The following CCDC15 variants were observed in gnomAD, a reference collection of about 807,000 sequenced individuals.
CCDC15 encodes the protein coiled-coil domain-containing protein 15.
In CCDC15, 105 loss-of-function variants were observed where a neutral mutation model predicts 114.5. The observed-to-expected ratio is 0.92, with a 90% CI of 0.78 to 1.08. The LOEUF is 1.08. Among genes scored for constraint, CCDC15 ranks in the 50% least tolerant of loss-of-function variants. The pLI, the probability that CCDC15 is intolerant of heterozygous loss-of-function variation, is 0.00. For synonymous variants in CCDC15, 334 were observed against 377.8 expected (o/e 0.88, Z 1.34); for missense variants, 1,105 against 1,093.6 (o/e 1.01, Z -0.15).
At chr11:125,016,733 C>A (rs1451301859) in intron 13 of CCDC15, among the ~76,000 whole-genome samples, 1 of 152,176 alleles carries the variant, frequency 6.6e-6, no homozygotes, top group Non-Finnish European at 1.5e-5. Context: ...AGGCAACATA[C>A]CCCTGCTGTG....
chr11:125,038,589 A>G lies in CCDC15; in HGVS notation c.2570A>G (p.Glu857Gly). ...IKGTREKQQR[E>G]KEYLRYVEAL... Reference sequence around the variant, plus strand: ...GGAACCAGAGAAAAACAACAGAGAGAAAAAGAATACCTGAGGTAATTTGAA... The same window carrying G: ...GGAACCAGAGAAAAACAACAGAGAGGAAAAGAATACCTGAGGTAATTTGAA... The change falls in exon 14 of 16, where the codon GAA becomes GGA. Residue 857 changes from glutamate (E) to glycine (G), a missense_variant. By Grantham distance (98) the Glu-to-Gly change is moderately conservative. Coordinates refer to ENST00000344762, the MANE Select transcript of CCDC15 (RefSeq NM_025004.3). 1 of 1,567,778 alleles carries G rather than the reference A, an allele frequency of 6.4e-7. No individual in the cohort carries two copies. The highest frequency in any genetic ancestry group is 8.6e-7 in the Non-Finnish European group (1 of 1,160,244).
chr11:124,955,219 C>A (rs1947528425), intron 2 of CCDC15, among the ~76,000 whole-genome samples: 1 of 152,080 alleles, frequency 6.6e-6, no homozygotes, highest in South Asian at 2.1e-4. Context: ...TTGTTATGCC[C>A]AAGACATAAG....
rs190188044 is a variant in CCDC15 at position 125,001,547 on chromosome 11, G to A, written c.2215-2320G>A. On this transcript the variant is annotated intron_variant, in intron 11 of 15. Transcript: ENST00000344762. ...TCACCCCCCAAAAGTCCTGTACCAC[G>A]CCACTTTTCCCTTTAGCCCCACCTC... is the stretch of plus-strand genomic sequence containing the variant. Among the ~76,000 whole-genome samples the A allele has an allele frequency of 8.9e-4, 136 of 152,194 alleles. No individual in the cohort carries two copies. The Middle Eastern group carries it at 0.01, about 11-fold the overall frequency.
chr11:124,959,338 A>G (rs1324626790), intron 3 of CCDC15, 74 bp downstream of exon 3: 7 of 1,269,604 alleles, frequency 5.5e-6, no homozygotes. Flanking sequence ...ATTAGGCAGT[A>G]ACAGAATTGC....
chr11:124,992,942 T>A (rs1051488303), intron 10 of CCDC15, among the ~76,000 whole-genome samples: 14 of 152,180 alleles, frequency 9.2e-5, no homozygotes, highest in Non-Finnish European at 1.5e-4. Flanking sequence ...TGTTGCTAAT[T>A]GTTGAATCTG....
chr11:124,983,485 GT>G (rs1459621128), intron 6 of CCDC15, among the ~76,000 whole-genome samples: 1 of 151,858 alleles, frequency 6.6e-6, no homozygotes, highest in Non-Finnish European at 1.5e-5. Context: ...GTCCTTGGGG[GT>G]TTGATTCTGG....
intron 13 of CCDC15, among the ~76,000 whole-genome samples, chr11:125,013,580 A>T (rs73620920): frequency 2.0e-5 from 3 of 152,176 alleles, no homozygotes; most frequent in African/African-American, 7.2e-5. Flanking sequence ...ATAGATTTTG[A>T]TGACCAAATT....
At chr11:125,028,699 A>C (rs1948720348) in intron 13 of CCDC15, among the ~76,000 whole-genome samples, 1 of 152,072 alleles carries the variant, frequency 6.6e-6, no homozygotes, top group Non-Finnish European at 1.5e-5. Flanking sequence ...TTTTTGGATG[A>C]GTCTTTAGGG....
chr11:124,975,160 A>T lies in CCDC15; in HGVS notation c.581A>T (p.Lys194Met). The change falls in exon 5 of 16, where the codon AAG becomes ATG. Residue 194 changes from lysine (K) to methionine (M), a missense_variant. Physicochemically the swap from Lys to Met is moderately conservative, Grantham distance 95 (BLOSUM62 -1). Coordinates refer to ENST00000344762, the MANE Select transcript of CCDC15 (RefSeq NM_025004.3). ...LASFKTVIKK[K>M]GSVFPDDGRK... The stretch of plus-strand genomic sequence containing the variant: ...TCCTTTAAAACCGTGATTAAAAAAA[A>T]GGGATCAGTGTTTCCAGATGATGGA... 6.2e-7 allele frequency: 1 copy of T among 1,606,132 alleles called. No individual in the cohort carries two copies. The highest frequency in any genetic ancestry group is 8.5e-7 in the Non-Finnish European group (1 of 1,176,858).
chr11:124,981,757 C>G (rs1009263976), intron 6 of CCDC15, among the ~76,000 whole-genome samples: 1 of 152,168 alleles, frequency 6.6e-6, no homozygotes, highest in African/African-American at 2.4e-5. Context: ...GTAGCTGGGA[C>G]TACAGATGCA....
intron 13 of CCDC15, among the ~76,000 whole-genome samples, chr11:125,021,347 T>A (rs952233704): frequency 2.8e-4 from 42 of 151,864 alleles, no homozygotes; most frequent in African/African-American, 9.2e-4. Flanking sequence ...TCAGTGTTTC[T>A]CAACCTTTTC....
At chr11:125,020,185 G>A (rs2135535311) in intron 13 of CCDC15, among the ~76,000 whole-genome samples, 1 of 152,016 alleles carries the variant, frequency 6.6e-6, no homozygotes, top group Admixed American at 6.6e-5. Context: ...TATCAAAGAG[G>A]CAGATTTCTT....
At chr11:124,961,965 AAGG>A (rs745609787) in intron 4 of CCDC15, among the ~76,000 whole-genome samples, 1 of 152,210 alleles carries the variant, frequency 6.6e-6, no homozygotes, top group Non-Finnish European at 1.5e-5. Flanking sequence ...GGGGTTGGAT[AAGG>A]AGGAGGAAAT....
intron 13 of CCDC15, among the ~76,000 whole-genome samples, chr11:125,019,177 T>C (rs1306134255): frequency 6.6e-6 from 1 of 151,844 alleles, no homozygotes; most frequent in Non-Finnish European, 1.5e-5. Context: ...AAATAATATA[T>C]AGAGAGAAGA....
Position 125,040,957 on chromosome 11 carries a change from G to A in CCDC15, c.*246G>A. On this transcript the variant is annotated 3_prime_UTR_variant, in exon 16 of 16. Transcript: ENST00000344762. ...ATTATTTTAAAATATGATCAGACAA[G>A]TAAGGCTTCTCTTACTTTGCTCTGC... 2.4e-6 allele frequency: 1 copy of A among 423,814 alleles called. No homozygotes were observed. The highest frequency in any genetic ancestry group is 4.2e-6 in the Non-Finnish European group (1 of 236,238). 26.3% of individuals were successfully genotyped at this position (423,814 alleles called of 1,614,324 possible).
At chr11:125,019,458 T>G (rs369872462) in intron 13 of CCDC15, among the ~76,000 whole-genome samples, 2 of 152,006 alleles carry the variant, frequency 1.3e-5, no homozygotes, top group East Asian at 3.9e-4. Flanking sequence ...GGTTAGGTAA[T>G]TTGCCTAGGA....
rs139328716 is a variant in CCDC15 at position 124,954,467 on chromosome 11, C to G, written c.-10+97C>G. On this transcript the variant is annotated intron_variant, in intron 1 of 15. Transcript: ENST00000344762. ...TGAGGACAGTCTTCGTTCTCTCATTCCCATCCTTTCTCTTCCCTCTCATCG... is the reference window on the plus strand; with the variant it reads ...TGAGGACAGTCTTCGTTCTCTCATTGCCATCCTTTCTCTTCCCTCTCATCG... 42 of 319,924 alleles carry G rather than the reference C, an allele frequency of 1.3e-4. No homozygotes were observed. The East Asian group carries it at 2.2e-3, about 17-fold the overall frequency. The allele number at this position is 319,924 out of a possible 1,614,324, so 19.8% of individuals were successfully genotyped here. A position where few individuals can be genotyped will look rare whatever the true frequency, so the allele number is the denominator to read the frequency against.
At chr11:125,038,207 A>G (rs1948789032) in intron 13 of CCDC15, 1 of 315,320 alleles carries the variant, frequency 3.2e-6, no homozygotes, top group Admixed American at 4.9e-5. Context: ...GGCATGAGCC[A>G]CCGCACCTAG....
intron 13 of CCDC15, among the ~76,000 whole-genome samples, chr11:125,022,429 C>T (rs1234873337): frequency 6.6e-6 from 1 of 151,890 alleles, no homozygotes; most frequent in South Asian, 2.1e-4. Context: ...AGTTGTAGCT[C>T]AAGAAAGACT....
Sources: allele counts gnomAD v4.1 joint callset (sites outside exome capture counted in the v4.1 genomes callset), GRCh38; gene constraint gnomAD v4.1.1; transcripts MANE v1.5; gene names NCBI Gene and HGNC (gene_info 2026-07-23, HGNC 2026-07-21).